The following KCTD8 variants were observed in gnomAD, a reference collection of about 807,000 sequenced individuals.
The protein encoded by KCTD8 is BTB/POZ domain-containing protein KCTD8.
KCTD8 carries 27 observed loss-of-function variants against 31.5 expected under a neutral mutation model. The observed-to-expected ratio is 0.86, with a 90% CI of 0.63 to 1.18. The LOEUF is 1.18. Among genes scored for constraint, KCTD8 ranks in the 50% most tolerant of loss-of-function variants. KCTD8 has a pLI of 0.00. For missense variants in KCTD8, 658 were observed against 647.7 expected (o/e 1.02, Z -0.17); for synonymous variants, 290 against 280.0 (o/e 1.04, Z -0.36).
intron 1 of KCTD8, among the ~76,000 whole-genome samples, chr4:44,344,297 A>G (rs1296557300): frequency 6.6e-6 from 1 of 151,376 alleles, no homozygotes; most frequent in African/African-American, 2.4e-5. Flanking sequence ...TGATCCTCCC[A>G]CCTCAGCCTC....
chr4:44,334,722 T>C (rs1197455096), intron 1 of KCTD8, among the ~76,000 whole-genome samples: 10 of 152,092 alleles, frequency 6.6e-5, no homozygotes, highest in Non-Finnish European at 1.3e-4. Flanking sequence ...GTACATAATC[T>C]GGTCACAAAG....
At chr4:44,391,625 T>G (rs1317846834) in intron 1 of KCTD8, among the ~76,000 whole-genome samples, 1 of 151,682 alleles carries the variant, frequency 6.6e-6, no homozygotes, top group Non-Finnish European at 1.5e-5. Context: ...ACATAAAAAC[T>G]ATGTGTTAAT....
At chr4:44,314,794 A>T (rs889426412) in intron 1 of KCTD8, among the ~76,000 whole-genome samples, 24 of 151,560 alleles carry the variant, frequency 1.6e-4, no homozygotes, top group African/African-American at 5.3e-4. Flanking sequence ...TGGTTGGATG[A>T]TATTCCATTG....
chr4:44,356,627 A>G (rs1190741777), intron 1 of KCTD8, among the ~76,000 whole-genome samples: 1 of 151,962 alleles, frequency 6.6e-6, no homozygotes, highest in African/African-American at 2.4e-5. Context: ...TAGCCACCAC[A>G]TCTGGCTAAT....
At chr4:44,240,397 T>C (rs1715423031) in intron 1 of KCTD8, among the ~76,000 whole-genome samples, 1 of 152,254 alleles carries the variant, frequency 6.6e-6, no homozygotes, top group Admixed American at 6.5e-5. Context: ...TGTTGTGTTG[T>C]ACTTTAGTCA....
chr4:44,331,250 T>C (rs1317734107), intron 1 of KCTD8, among the ~76,000 whole-genome samples: 2 of 151,908 alleles, frequency 1.3e-5, no homozygotes, highest in Non-Finnish European at 1.5e-5. Context: ...AAATATATAT[T>C]CTGCATCATC....
chr4:44,351,558 C>A (rs1264175575), intron 1 of KCTD8, among the ~76,000 whole-genome samples: 1 of 152,048 alleles, frequency 6.6e-6, no homozygotes, highest in Non-Finnish European at 1.5e-5. Context: ...AGAATGTCTA[C>A]AAATTTCAAC....
At chr4:44,224,141 A>C (rs909784224) in intron 1 of KCTD8, among the ~76,000 whole-genome samples, 4 of 152,224 alleles carry the variant, frequency 2.6e-5, no homozygotes, top group African/African-American at 9.6e-5. Flanking sequence ...AAAAATCATT[A>C]TATGAGTTCC....
At chr4:44,216,957 T>C (rs1396307267) in intron 1 of KCTD8, among the ~76,000 whole-genome samples, 3 of 152,218 alleles carry the variant, frequency 2.0e-5, no homozygotes, top group Non-Finnish European at 2.9e-5. Context: ...TTCCCACTAA[T>C]CTAGAAATAA....
chr4:44,301,213 G>A (rs1717609370), intron 1 of KCTD8, among the ~76,000 whole-genome samples: 1 of 152,260 alleles, frequency 6.6e-6, no homozygotes, highest in South Asian at 2.1e-4. Context: ...ATAAGTTATA[G>A]TCCTTTGGGT....
intron 1 of KCTD8, among the ~76,000 whole-genome samples, chr4:44,354,386 T>C (rs932128541): frequency 1.7e-4 from 26 of 152,266 alleles, no homozygotes; most frequent in African/African-American, 1.4e-4. Flanking sequence ...CTTCCCTAAA[T>C]ATAGCACAAA....
At chr4:44,326,146 G>A (rs1718438900) in intron 1 of KCTD8, among the ~76,000 whole-genome samples, 2 of 151,830 alleles carry the variant, frequency 1.3e-5, no homozygotes, top group African/African-American at 2.4e-5. Context: ...TTTAGTCATG[G>A]AATAGATCAA....
Position 44,203,397 on chromosome 4 carries a change from G to A in KCTD8, c.962-28147C>T, listed in dbSNP as rs535880794. Among the ~76,000 whole-genome samples the A allele has an allele frequency of 4.6e-5, 7 of 151,542 alleles. No individual in the cohort carries two copies. In the South Asian group the frequency reaches 1.5e-3, roughly 32 times the overall value. ...AGGCGCTTGTAATCCCAGCTACCTG[G>A]GAGAACTGCTTGAACCCAGGAAGCG... On this transcript the variant is annotated intron_variant, in intron 1 of 1. Coordinates refer to ENST00000360029, the MANE Select transcript of KCTD8 (RefSeq NM_198353.3).
chr4:44,227,696 G>T (rs942342308), intron 1 of KCTD8, among the ~76,000 whole-genome samples: 3 of 152,116 alleles, frequency 2.0e-5, no homozygotes, highest in Non-Finnish European at 4.4e-5. Context: ...AGAAATATTT[G>T]TCAAATAGCA....
chr4:44,413,504 T>G (rs987249699), intron 1 of KCTD8, among the ~76,000 whole-genome samples: 10 of 152,160 alleles, frequency 6.6e-5, no homozygotes, highest in African/African-American at 2.2e-4. Flanking sequence ...CGCTAAGAGT[T>G]GAACTCCTAA....
chr4:44,420,278 G>C lies in KCTD8; in HGVS notation c.961+27285C>G, dbSNP rs114235943. Among the ~76,000 whole-genome samples the C allele has an allele frequency of 3.9e-3, 594 of 152,262 alleles. 3 individuals are homozygous for C. The highest frequency in any genetic ancestry group is 0.014 in the African/African-American group (567 of 41,562). On this transcript the variant is annotated intron_variant, in intron 1 of 1. Transcript: ENST00000360029. The stretch of plus-strand genomic sequence containing the variant: ...GAAGGTTGACAATTTTTAATTATTT[G>C]AGTGTGAAGGTCACAAGGCAACCAA...
At chr4:44,267,039 C>T (rs1186493952) in intron 1 of KCTD8, among the ~76,000 whole-genome samples, 1 of 152,148 alleles carries the variant, frequency 6.6e-6, no homozygotes, top group African/African-American at 2.4e-5. Flanking sequence ...CTGCACCAAG[C>T]AGACCTAATA....
At chr4:44,317,865 G>A (rs1718183105) in intron 1 of KCTD8, among the ~76,000 whole-genome samples, 2 of 152,114 alleles carry the variant, frequency 1.3e-5, no homozygotes, top group South Asian at 2.1e-4. Context: ...ATTACTTTCT[G>A]GTTTTAGGGA....
intron 1 of KCTD8, among the ~76,000 whole-genome samples, chr4:44,250,273 C>T (rs1715788845): frequency 1.3e-5 from 2 of 151,616 alleles, no homozygotes; most frequent in African/African-American, 4.8e-5. Flanking sequence ...TTTCTGTGTC[C>T]TCATATCTTG....
Sources: allele counts gnomAD v4.1 joint callset (sites outside exome capture counted in the v4.1 genomes callset), GRCh38; gene constraint gnomAD v4.1.1; transcripts MANE v1.5; gene names NCBI Gene and HGNC (gene_info 2026-07-23, HGNC 2026-07-21).